DIAPH2: variants seen among roughly 807,000 people sequenced by gnomAD.
The protein encoded by DIAPH2 is diaphanous related formin 2.
DIAPH2 carries 35 observed loss-of-function variants against 92.7 expected under a neutral mutation model. That is an observed-to-expected ratio of 0.38 (90% CI 0.29 to 0.50). The LOEUF (loss-of-function observed/expected upper bound fraction) is 0.50, where lower values mean the gene tolerates loss of function less well. Ranked by LOEUF, DIAPH2 falls within the 20% of genes least tolerant of loss-of-function variation. DIAPH2 has a pLI of 0.94. For missense variants in DIAPH2, 701 were observed against 819.5 expected, an observed-to-expected ratio of 0.86 and a Z score of 1.77; for synonymous variants, 301 against 280.4, an observed-to-expected ratio of 1.07 and a Z score of -0.73.
At chrX:97,046,422 G>A (rs1400949356) in intron 17 of DIAPH2, among the ~76,000 whole-genome samples, 1 of 110,910 alleles carries the variant, frequency 9.0e-6, no homozygotes, top group Non-Finnish European at 1.9e-5. Context: ...GTGGGGAGGT[G>A]CCATTTGATA....
chrX:97,574,141 G>A (rs1037194966), intron 26 of DIAPH2, among the ~76,000 whole-genome samples: 2 of 111,668 alleles, frequency 1.8e-5, no homozygotes, highest in African/African-American at 6.5e-5. Flanking sequence ...CTAAAGAGTG[G>A]AACTATGAAT....
intron 24 of DIAPH2, among the ~76,000 whole-genome samples, chrX:97,360,800 C>T (rs1004621526): frequency 3.3e-4 from 37 of 112,071 alleles, no homozygotes; most frequent in African/African-American, 1.2e-3. Flanking sequence ...CATCAAATGA[C>T]ATCTACGAGA....
intron 17 of DIAPH2, among the ~76,000 whole-genome samples, chrX:96,980,690 A>G (rs957346315): frequency 1.8e-5 from 2 of 110,685 alleles, no homozygotes; most frequent in Non-Finnish European, 3.8e-5. Context: ...GTGTGTGTGT[A>G]TATATCTATG....
At chrX:97,024,129 C>T (rs1311649425) in intron 17 of DIAPH2, among the ~76,000 whole-genome samples, 1 of 111,907 alleles carries the variant, frequency 8.9e-6, no homozygotes, top group Non-Finnish European at 1.9e-5. Context: ...CAAGAAGATA[C>T]TGATATTGTT....
At chrX:97,230,784 C>T (rs1487030134) in intron 22 of DIAPH2, among the ~76,000 whole-genome samples, 7 of 112,003 alleles carry the variant, frequency 6.2e-5, no homozygotes, top group East Asian at 5.6e-4. Context: ...TGACCTCAGG[C>T]GATCCACCCG....
intron 26 of DIAPH2, among the ~76,000 whole-genome samples, chrX:97,521,263 A>G (rs1278139964): frequency 8.9e-6 from 1 of 112,249 alleles, no homozygotes; most frequent in Non-Finnish European, 1.9e-5. Flanking sequence ...GTTGTTTACA[A>G]GTTACCCAGT....
At chrX:97,287,328 G>T (rs1475097349) in intron 23 of DIAPH2, among the ~76,000 whole-genome samples, 2 of 110,752 alleles carry the variant, frequency 1.8e-5, no homozygotes, top group Non-Finnish European at 3.8e-5. Flanking sequence ...ATTTGTTTTG[G>T]GGAAAATTCT....
intron 4 of DIAPH2, among the ~76,000 whole-genome samples, chrX:96,871,963 T>C (rs2065146218): frequency 8.9e-6 from 1 of 112,283 alleles, no homozygotes; most frequent in South Asian, 3.7e-4. Context: ...CAGGGCATTA[T>C]GGTGAATGGA....
At chrX:97,374,043 T>C (rs1929034848) in intron 24 of DIAPH2, among the ~76,000 whole-genome samples, 1 of 109,541 alleles carries the variant, frequency 9.1e-6, no homozygotes, top group South Asian at 4.0e-4. Flanking sequence ...AGGCTTTATA[T>C]GCTATTGGAA....
chrX:97,389,681 A>G (rs1204210931), intron 25 of DIAPH2, among the ~76,000 whole-genome samples: 2 of 110,772 alleles, frequency 1.8e-5, no homozygotes, highest in Non-Finnish European at 3.8e-5. Context: ...CTGCACAGTA[A>G]CAGACCAATA....
intron 4 of DIAPH2, among the ~76,000 whole-genome samples, chrX:96,870,456 T>A (rs1409015538): frequency 1.1e-5 from 1 of 91,786 alleles, no homozygotes; most frequent in Admixed American, 1.2e-4. Flanking sequence ...TTTTTTTTTT[T>A]AAGTAGAGAT....
At chrX:96,725,193 A>T (rs1381925544) in intron 1 of DIAPH2, among the ~76,000 whole-genome samples, 1 of 112,144 alleles carries the variant, frequency 8.9e-6, no homozygotes, top group Admixed American at 9.5e-5. Flanking sequence ...GACATAAATG[A>T]TATTTTCCTA....
intron 13 of DIAPH2, among the ~76,000 whole-genome samples, chrX:96,945,098 C>T (rs979312422): frequency 1.8e-5 from 2 of 110,146 alleles, no homozygotes; most frequent in Non-Finnish European, 3.8e-5. Flanking sequence ...CCTGAATTAT[C>T]GAATGTTATT....
intron 24 of DIAPH2, among the ~76,000 whole-genome samples, chrX:97,373,513 G>C (rs2069468506): frequency 9.3e-6 from 1 of 107,834 alleles, no homozygotes; most frequent in African/African-American, 3.4e-5. Context: ...AAGGAAGAAA[G>C]AGGAAGTTTG....
At chrX:96,751,131 CCTT>C (rs774532114) in intron 3 of DIAPH2, among the ~76,000 whole-genome samples, 76 of 110,118 alleles carry the variant, frequency 6.9e-4, no homozygotes, top group African/African-American at 2.4e-3. Context: ...CAACTTTTGA[CCTT>C]CTCATTTGAT....
Position 97,086,093 on chromosome X carries a change from C to CT in DIAPH2, c.2247+10841dup, listed in dbSNP as rs111373453. ...CTACCTGATGGAATGCTTAAAATAT[C>CT]TTTTTTTTTCTTCTCTTCAAATTGT... On this transcript the variant is annotated intron_variant, in intron 19 of 26. Coordinates refer to ENST00000324765, the MANE Select transcript of DIAPH2 (RefSeq NM_006729.5). 3.6e-5 allele frequency among the ~76,000 whole-genome samples: 4 copies of CT among 110,626 alleles called. No homozygotes were observed. In the East Asian group the frequency reaches 1.1e-3, roughly 31 times the overall value.
At chrX:96,818,700 A>AC (rs1276825665) in intron 4 of DIAPH2, among the ~76,000 whole-genome samples, 4 of 111,649 alleles carry the variant, frequency 3.6e-5, no homozygotes, top group Non-Finnish European at 7.5e-5. Flanking sequence ...TAACATCCCT[A>AC]CCCCCAAAGA....
intron 25 of DIAPH2, among the ~76,000 whole-genome samples, chrX:97,392,579 T>A (rs2069669777): frequency 9.0e-6 from 1 of 111,521 alleles, no homozygotes; most frequent in South Asian, 3.8e-4. Context: ...GAAGGATGGG[T>A]AACATTTGGC....
At chrX:97,303,635 A>G (rs2068724526) in intron 23 of DIAPH2, among the ~76,000 whole-genome samples, 1 of 111,989 alleles carries the variant, frequency 8.9e-6, no homozygotes, top group South Asian at 3.7e-4. Context: ...TAAAAAAGGG[A>G]AAGAAAAAGT....
Sources: gnomAD v4.1 joint callset for allele counts (sites outside exome capture counted in the v4.1 genomes callset) on GRCh38, gnomAD v4.1.1 for gene constraint, MANE v1.5 for transcripts, NCBI Gene and HGNC (gene_info 2026-07-23, HGNC 2026-07-21) for gene names.